Variants in CCDC102B observed in about 807,000 individuals in gnomAD.
CCDC102B encodes coiled-coil domain containing 102B.
A neutral mutation model predicts 57.4 loss-of-function variants in CCDC102B; 75 were observed. The observed-to-expected ratio is 1.31, with a 90% CI of 1.08 to 1.58. The LOEUF is 1.58. Ranked by LOEUF, CCDC102B falls within the 40% of genes most tolerant of loss-of-function variation. CCDC102B has a pLI of 0.00. For missense variants in CCDC102B, 636 were observed against 582.6 expected (o/e 1.09, Z -0.94); for synonymous variants, 206 against 201.9 (o/e 1.02, Z -0.17).
intron 7 of CCDC102B, among the ~76,000 whole-genome samples, chr18:69,013,563 G>A (rs1367468779): frequency 6.6e-6 from 1 of 152,156 alleles, no homozygotes; most frequent in Non-Finnish European, 1.5e-5. Context: ...TAAAAAGTAG[G>A]TGGTAAGAAA....
chr18:69,039,729 AATTT>A (rs2145468712), intron 7 of CCDC102B, among the ~76,000 whole-genome samples: 1 of 152,008 alleles, frequency 6.6e-6, no homozygotes, highest in East Asian at 1.9e-4. Flanking sequence ...ATGTTTAATA[AATTT>A]ATTTTTGCCA....
chr18:68,786,280 T>C (rs1204513926), intron 2 of CCDC102B, among the ~76,000 whole-genome samples: 1 of 152,008 alleles, frequency 6.6e-6, no homozygotes, highest in Admixed American at 6.6e-5. Context: ...AGCTTTGTTC[T>C]TTTGGCTTAG....
intron 6 of CCDC102B, among the ~76,000 whole-genome samples, chr18:68,916,355 G>T (rs2041073005): frequency 6.6e-6 from 1 of 152,178 alleles, no homozygotes; most frequent in South Asian, 2.1e-4. Context: ...GGATGCCACT[G>T]TCCCATCAGC....
chr18:68,833,098 T>A (rs2037214222), intron 1 of CCDC102B, among the ~76,000 whole-genome samples: 1 of 152,194 alleles, frequency 6.6e-6, no homozygotes, highest in African/African-American at 2.4e-5. Context: ...CTAAAAAATT[T>A]ATAGTGAAAA....
chr18:68,855,727 T>G (rs1024218352), intron 4 of CCDC102B, among the ~76,000 whole-genome samples: 1 of 152,198 alleles, frequency 6.6e-6, no homozygotes, highest in Non-Finnish European at 1.5e-5. Flanking sequence ...TGACTTTCAC[T>G]TTAGGTAGGT....
intron 4 of CCDC102B, among the ~76,000 whole-genome samples, chr18:68,871,595 A>G (rs996461261): frequency 1.3e-5 from 2 of 151,970 alleles, no homozygotes; most frequent in African/African-American, 4.8e-5. Flanking sequence ...TATTGTTTTA[A>G]TGGCTTTAGT....
chr18:69,039,633 T>C (rs969600734), intron 7 of CCDC102B, among the ~76,000 whole-genome samples: 3 of 151,960 alleles, frequency 2.0e-5, no homozygotes, highest in African/African-American at 7.2e-5. Flanking sequence ...TTCAATATTT[T>C]GATGTGCTAT....
chr18:68,919,323 G>A (rs915502318), intron 6 of CCDC102B, among the ~76,000 whole-genome samples: 1 of 151,998 alleles, frequency 6.6e-6, no homozygotes, highest in Admixed American at 6.6e-5. Context: ...TTGTTATATT[G>A]ACCACATTTG....
At chr18:68,891,300 T>C (rs1409189881) in intron 5 of CCDC102B, among the ~76,000 whole-genome samples, 1 of 152,190 alleles carries the variant, frequency 6.6e-6, no homozygotes, top group Non-Finnish European at 1.5e-5. Flanking sequence ...CTATATTCTG[T>C]GGTTATGTAA....
At chr18:68,732,431 C>T (rs2032920682) in intron 2 of CCDC102B, among the ~76,000 whole-genome samples, 2 of 151,696 alleles carry the variant, frequency 1.3e-5, no homozygotes, top group African/African-American at 2.4e-5. Context: ...TTGCAACCTC[C>T]GCCTCCCAAG....
At chr18:68,955,272 A>T (rs1333670571) in intron 6 of CCDC102B, among the ~76,000 whole-genome samples, 1 of 152,112 alleles carries the variant, frequency 6.6e-6, no homozygotes, top group Non-Finnish European at 1.5e-5. Flanking sequence ...GGAAGGAAAA[A>T]ACACAATAGG....
At chr18:68,893,654 C>G (rs1278211117) in intron 5 of CCDC102B, among the ~76,000 whole-genome samples, 2 of 152,134 alleles carry the variant, frequency 1.3e-5, no homozygotes, top group Non-Finnish European at 2.9e-5. Context: ...GTCCTGGTTT[C>G]ATAAAGCTTA....
chr18:68,844,251 T>C (rs1227367620), intron 3 of CCDC102B, among the ~76,000 whole-genome samples: 1 of 151,892 alleles, frequency 6.6e-6, no homozygotes, highest in African/African-American at 2.4e-5. Context: ...TCTCAACATG[T>C]ATGATTTTAA....
intron 4 of CCDC102B, among the ~76,000 whole-genome samples, chr18:68,847,048 T>C (rs2037899357): frequency 6.6e-6 from 1 of 151,804 alleles, no homozygotes; most frequent in African/African-American, 2.4e-5. Flanking sequence ...ATGTTATGTG[T>C]ATTAAAGCAT....
chr18:68,983,366 C>A (rs1056332293), intron 6 of CCDC102B, among the ~76,000 whole-genome samples: 2 of 151,892 alleles, frequency 1.3e-5, no homozygotes, highest in African/African-American at 4.8e-5. Context: ...TATAACTTGG[C>A]AGCTTAAGTG....
At chr18:69,025,149 A>C (rs1304897241) in intron 7 of CCDC102B, among the ~76,000 whole-genome samples, 2 of 152,170 alleles carry the variant, frequency 1.3e-5, no homozygotes, top group Non-Finnish European at 2.9e-5. Context: ...AAAAAATTCT[A>C]ATCGTGTGAA....
chr18:68,789,071 T>C (rs1459119486), intron 2 of CCDC102B, among the ~76,000 whole-genome samples: 1 of 152,186 alleles, frequency 6.6e-6, no homozygotes, highest in Non-Finnish European at 1.5e-5. Flanking sequence ...AAGTATTTTA[T>C]TTCTCCTTCG....
rs571929557 is a variant in CCDC102B, at chr18:68,931,755, A to G, written c.1263+34327A>G. ...GAGCACAGGTATGTATCCTTAGGGA[A>G]GCCTTATGACCAAGCCTGGAAGTGG... On this transcript the variant is annotated intron_variant, in intron 6 of 7. Transcript: ENST00000360242. Among the ~76,000 whole-genome samples the G allele has an allele frequency of 3.3e-5, 5 of 151,992 alleles. No individual in the cohort carries two copies. The East Asian group carries it at 9.7e-4, about 30-fold the overall frequency.
At chr18:68,843,078 T>C (rs2037708964) in intron 3 of CCDC102B, among the ~76,000 whole-genome samples, 1 of 152,166 alleles carries the variant, frequency 6.6e-6, no homozygotes, top group Admixed American at 6.6e-5. Context: ...TCTAATTAAA[T>C]TAACTGTATA....
Sources: allele counts gnomAD v4.1 joint callset (sites outside exome capture counted in the v4.1 genomes callset), GRCh38; gene constraint gnomAD v4.1.1; transcripts MANE v1.5; gene names NCBI Gene and HGNC (gene_info 2026-07-23, HGNC 2026-07-21).